Variants in CPXM1 observed in about 807,000 individuals in gnomAD.
CPXM1 encodes the protein carboxypeptidase X, M14 family member 1, also known as probable carboxypeptidase X1.
CPXM1 carries 72 observed loss-of-function variants against 80.4 expected under a neutral mutation model. The ratio of observed to expected loss-of-function variants is 0.90; its 90% CI spans 0.74 to 1.09. The LOEUF (loss-of-function observed/expected upper bound fraction) is 1.09, where lower values mean the gene tolerates loss of function less well. CPXM1 is among the 50% of genes least tolerant of loss of function. The pLI is 0.00. For missense variants in CPXM1, 892 were observed against 999.4 expected (o/e 0.89, Z 1.45); for synonymous variants, 403 against 405.6 (o/e 0.99, Z 0.08).
rs2088484307 is a variant in CPXM1 at position 2,794,491 on chromosome 20, C to T, written c.1963+46G>A. The stretch of plus-strand genomic sequence containing the variant: ...TAATGATCTTCTGCTTCTTCCCGAG[C>T]CTCCAGCCCTCCAGCCCCTTCCCTT... On this transcript the variant is annotated intron_variant, in intron 13 of 13. Coordinates refer to ENST00000380605, the MANE Select transcript of CPXM1 (RefSeq NM_019609.5). The surrounding 1 kb of genome is among the most constrained non-coding windows in gnomAD (Gnocchi z 5.2). 6.2e-7 allele frequency: 1 copy of T among 1,613,378 alleles called. No individual in the cohort carries two copies. The highest frequency in any genetic ancestry group is 8.5e-7 in the Non-Finnish European group (1 of 1,179,590).
At position 2,796,113 on chromosome 20, in the gene CPXM1, T is replaced by C; in HGVS notation, c.1291A>G (p.Ile431Val). The change falls in exon 10 of 14, where the codon ATC becomes GTC. Residue 431 changes from isoleucine (I) to valine (V), a missense_variant. Ile to Val is a conservative substitution (Grantham distance 29). Transcript: ENST00000380605. The surrounding 1 kb of genome is among the most constrained non-coding windows in gnomAD (Gnocchi z 6.8). The stretch of plus-strand genomic sequence containing the variant: ...TCAGCAAAATTATGGTTAAGATCGA[T>C]GCTCTGGTTGTTCCAGCGGCCCTCG... ...WAEGRWNNQS[I>V]DLNHNFADLN... 1.2e-6 allele frequency: 2 copies of C among 1,613,832 alleles called. No individual in the cohort carries two copies. The highest frequency in any genetic ancestry group is 1.1e-5 in the South Asian group (1 of 91,026).
At position 2,795,496 on chromosome 20, in the gene CPXM1, C is replaced by T. The variant is rs1035982905; in HGVS notation, c.1721-80G>A. The T allele has an allele frequency of 1.3e-6, 2 of 1,584,348 alleles. No homozygotes were observed. Among genetic ancestry groups the T allele is most frequent in the Non-Finnish European group, 8.6e-7 (1 of 1,159,810 alleles). Reference sequence around the variant, plus strand: ...CCGCTACCCTCCCTTCTCTGAGGGACACTTCAGAGTGGGAACAGACGCCAG... The same window carrying T: ...CCGCTACCCTCCCTTCTCTGAGGGATACTTCAGAGTGGGAACAGACGCCAG... On this transcript the variant is annotated intron_variant, in intron 11 of 13. Transcript: ENST00000380605. This position sits in a 1 kb window ranked among gnomAD's most constrained non-coding sequence, Gnocchi z 5.4.
At chr20:2,799,101 A>G (rs215542) in intron 1 of CPXM1, among the ~76,000 whole-genome samples, 130,062 of 151,970 alleles carry the variant, frequency 0.86, 55,983 homozygotes, top group East Asian at 1. Context: ...TCCCTGATGT[A>G]ACTACATGCT....
chr20:2,798,787 G>C lies in CPXM1; in HGVS notation c.279C>G (p.Ala93=). Residue 93 remains alanine, a synonymous_variant, in exon 2 of 14, where the codon GCC becomes GCG. Transcript: ENST00000380605. The part of the protein sequence containing the change: ...TLTRPTPLVT[A]GPLVTPTPAG... ...CTGGAGTGGGGGTCACAAGGGGCCCGGCAGTCACCAGTGGGGTGGGGCGAG... is the reference window on the plus strand; with the variant it reads ...CTGGAGTGGGGGTCACAAGGGGCCCCGCAGTCACCAGTGGGGTGGGGCGAG... The C allele has an allele frequency of 6.2e-7, 1 of 1,614,006 alleles. No homozygotes were observed. Among genetic ancestry groups the C allele is most frequent in the Non-Finnish European group, 8.5e-7 (1 of 1,179,988 alleles).
intron 3 of CPXM1, 44 bp from the exon 4 acceptor site, chr20:2,798,335 G>A: frequency 2.5e-6 from 4 of 1,610,074 alleles, no homozygotes; most frequent in East Asian, 2.2e-5. Context: ...TGGACAGAGT[G>A]GGGCAGGCCA....
rs746438167 is a variant in CPXM1 at position 2,795,564 on chromosome 20, CG to C, written c.1720+34del. 1.2e-6 allele frequency: 2 copies of C among 1,601,686 alleles called. No homozygotes were observed. The highest frequency in any genetic ancestry group is 1.7e-6 in the Non-Finnish European group (2 of 1,171,468). The stretch of plus-strand genomic sequence containing the variant: ...GGCTGTCTTATCAGGGCGGGGGTTA[CG>C]GGGCCAGGGCTAACTCCACCCTCAG... On this transcript the variant is annotated intron_variant, in intron 11 of 13. Transcript: ENST00000380605. This position sits in a 1 kb window ranked among gnomAD's most constrained non-coding sequence, Gnocchi z 5.4.
rs1415934918 is a variant in CPXM1, at chr20:2,798,497, A to C, written c.381T>G (p.Asp127Glu). 9.3e-6 allele frequency: 15 copies of C among 1,614,070 alleles called. No individual in the cohort carries two copies. In the African/African-American group the frequency reaches 1.3e-4, roughly 14 times the overall value. The change falls in exon 3 of 14, where the codon GAT becomes GAG. Residue 127 changes from aspartate (D) to glutamate (E), a missense_variant. Asp to Glu is a conservative substitution (Grantham distance 45). This residue lies in a region of CPXM1 where 874 missense variants were observed against 958.4 expected (regional missense o/e 0.91). Transcript: ENST00000380605. Reference sequence around the variant, plus strand: ...GGCTGCTGGATGCCTCAAGCCGGCTATCTGAAACTCGCAGGGACTCCAGAC... The same window carrying C: ...GGCTGCTGGATGCCTCAAGCCGGCTCTCTGAAACTCGCAGGGACTCCAGAC... ...PLGLESLRVSDSRLEASSSQS... is the reference protein window; with the variant it reads ...PLGLESLRVSESRLEASSSQS...
Position 2,800,437 on chromosome 20 carries a change from T to C in CPXM1, c.136A>G (p.Ser46Gly), listed in dbSNP as rs766674988. Reference sequence around the variant, plus strand: ...TCCGCCGGCGGCTGTGCCGGGCTGCTATGCAGGGCCGGGGTCGAGCCTGGG... The same window carrying C: ...TCCGCCGGCGGCTGTGCCGGGCTGCCATGCAGGGCCGGGGTCGAGCCTGGG... ...KVPGSTPALHSSPAQPPAETA... is the reference protein window; with the variant it reads ...KVPGSTPALHGSPAQPPAETA... The change falls in exon 1 of 14, where the codon AGC (serine) becomes GGC (glycine). Residue 46 changes from serine to glycine, a missense_variant. Ser to Gly is a moderately conservative substitution (Grantham distance 56, BLOSUM62 0). Coordinates refer to ENST00000380605, the MANE Select transcript of CPXM1 (RefSeq NM_019609.5). 5.3e-6 allele frequency: 8 copies of C among 1,519,948 alleles called. No individual in the cohort carries two copies. The highest frequency in any genetic ancestry group is 7.0e-6 in the Non-Finnish European group (8 of 1,141,692). 94.2% of individuals were successfully genotyped at this position (1,519,948 alleles called of 1,614,324 possible).
rs1343240962 is a variant in CPXM1, at chr20:2,798,146, C to T, written c.590+6G>A. 1.2e-6 allele frequency: 2 copies of T among 1,613,794 alleles called. No individual in the cohort carries two copies. The highest frequency in any genetic ancestry group is 1.1e-5 in the South Asian group (1 of 91,034). On this transcript the variant is annotated splice_donor_region_variant and intron_variant, in intron 4 of 13. Transcript: ENST00000380605. The stretch of plus-strand genomic sequence containing the variant: ...GACCTCCTGACCTAGGGTTAGTCTG[C>T]CTCACCTCCAGACAGAGTTCCTGCC...
Position 2,794,525 on chromosome 20 carries a change from G to A in CPXM1, c.1963+12C>T, listed in dbSNP as rs764592061. 5.6e-6 allele frequency: 9 copies of A among 1,613,644 alleles called. No individual in the cohort carries two copies. Among genetic ancestry groups the A allele is most frequent in the Admixed American group, 5.0e-5 (3 of 59,980 alleles). The stretch of plus-strand genomic sequence containing the variant: ...CTCCAGCCCCTTCCCTTGCCCTCCC[G>A]GTCAAACACACCCGTGGTCACGTCA... On this transcript the variant is annotated intron_variant, in intron 13 of 13. Transcript: ENST00000380605. The surrounding 1 kb of genome is among the most constrained non-coding windows in gnomAD (Gnocchi z 5.2).
Position 2,797,225 on chromosome 20 carries a change from G to A in CPXM1, c.799C>T (p.Leu267Phe). 6.3e-7 allele frequency: 1 copy of A among 1,576,320 alleles called. No individual in the cohort carries two copies. Among genetic ancestry groups the A allele is most frequent in the Non-Finnish European group, 8.6e-7 (1 of 1,157,692 alleles). Residue 267 changes from leucine to phenylalanine, a missense_variant, in exon 6 of 14, where the codon CTC becomes TTC. Leu to Phe is a conservative substitution (Grantham distance 22). This residue lies in a region of CPXM1 where 874 missense variants were observed against 958.4 expected (regional missense o/e 0.91). Coordinates refer to ENST00000380605, the MANE Select transcript of CPXM1 (RefSeq NM_019609.5). ...GGGCAGGCCAGGATCTCTGCCCGGAGGCAAGGCGCGCCTCCCTGGAGCCAG... is the reference window on the plus strand; with the variant it reads ...GGGCAGGCCAGGATCTCTGCCCGGAAGCAAGGCGCGCCTCCCTGGAGCCAG... ...QTWLQGGAPC[L>F]RAEILACPVS... is the part of the protein sequence containing the mutation.
Position 2,795,674 on chromosome 20 carries a change from G to A in CPXM1, c.1645C>T (p.Arg549Ter), listed in dbSNP as rs751762428. ...SNLAMQDTSR[R>*]PCHSQDFSVH... ...GAGAAGTCCTGGCTGTGGCAGGGTC[G>A]GCGGCTGGTGTCCTGCATGGCCAGA... is the stretch of plus-strand genomic sequence containing the variant. The change falls in exon 11 of 14, where the codon CGA (arginine) becomes TGA (stop). Residue 549 changes from arginine to a stop codon, truncating the protein, a stop_gained. Coordinates refer to ENST00000380605, the MANE Select transcript of CPXM1 (RefSeq NM_019609.5). LOFTEE classifies it high-confidence loss of function. The surrounding 1 kb of genome is among the most constrained non-coding windows in gnomAD (Gnocchi z 5.4). 8.7e-6 allele frequency: 14 copies of A among 1,613,882 alleles called. No individual in the cohort carries two copies. The highest frequency in any genetic ancestry group is 6.7e-5 in the East Asian group (3 of 44,898).
chr20:2,794,646 G>T lies in CPXM1; in HGVS notation c.1861-7C>A. 1.2e-6 allele frequency: 2 copies of T among 1,606,536 alleles called. No individual in the cohort carries two copies. Among genetic ancestry groups the T allele is most frequent in the Non-Finnish European group, 1.7e-6 (2 of 1,176,760 alleles). Reference sequence around the variant, plus strand: ...CTGCAATGCCCATGCGCACCTGTGTGGGAAGAGGTTATCAGAGCCCTTCCC... The same window carrying T: ...CTGCAATGCCCATGCGCACCTGTGTTGGAAGAGGTTATCAGAGCCCTTCCC... On this transcript the variant is annotated splice_polypyrimidine_tract_variant and splice_region_variant and intron_variant, in intron 12 of 13. Coordinates refer to ENST00000380605, the MANE Select transcript of CPXM1 (RefSeq NM_019609.5). This position sits in a 1 kb window ranked among gnomAD's most constrained non-coding sequence, Gnocchi z 5.2.
chr20:2,794,116 G>T lies in CPXM1; in HGVS notation c.*74C>A. ...TTAATGAGCACCTTTTCCTCACTTT[G>T]TCCCTCCCTCTCTACTCTTCCCCTT... On this transcript the variant is annotated 3_prime_UTR_variant, in exon 14 of 14. Coordinates refer to ENST00000380605, the MANE Select transcript of CPXM1 (RefSeq NM_019609.5). The surrounding 1 kb of genome is among the most constrained non-coding windows in gnomAD (Gnocchi z 5.2). 9 of 1,517,202 alleles carry T rather than the reference G, an allele frequency of 5.9e-6. No homozygotes were observed. Among genetic ancestry groups the T allele is most frequent in the Non-Finnish European group, 7.1e-6 (8 of 1,132,562 alleles). 94.0% of individuals were successfully genotyped at this position (1,517,202 alleles called of 1,614,324 possible). A position where few individuals can be genotyped will look rare whatever the true frequency, so the allele number is the denominator to read the frequency against.
In CPXM1 at chr20:2,794,189, A is replaced by G; in HGVS notation, c.*1T>C. The G allele has an allele frequency of 1.9e-6, 3 of 1,608,632 alleles. No individual in the cohort carries two copies. The highest frequency in any genetic ancestry group is 1.3e-5 in the African/African-American group (1 of 74,874). On this transcript the variant is annotated 3_prime_UTR_variant, in exon 14 of 14. Transcript: ENST00000380605. The surrounding 1 kb of genome is among the most constrained non-coding windows in gnomAD (Gnocchi z 5.2). ...GCCCTAGGGCTCTTAAACCGCAGGT[A>G]TCAATCCTTCTGTCCCCTTAGCCGC...
At chr20:2,799,918 G>C (rs1352124997) in intron 1 of CPXM1, among the ~76,000 whole-genome samples, 1 of 152,172 alleles carries the variant, frequency 6.6e-6, no homozygotes, top group East Asian at 1.9e-4. Context: ...CCTCCTGCCA[G>C]TTCTGGCCTG....
intron 1 of CPXM1, among the ~76,000 whole-genome samples, chr20:2,800,100 C>CTGTGAG (rs1195673069): frequency 6.7e-6 from 1 of 150,182 alleles, no homozygotes; most frequent in African/African-American, 2.4e-5. Flanking sequence ...TGTGTGTGCA[C>CTGTGAG]TGTGAGTGTG....
Position 2,798,838 on chromosome 20 carries a change from C to G in CPXM1, c.228G>C (p.Met76Ile). 6.2e-7 allele frequency: 1 copy of G among 1,614,106 alleles called. No individual in the cohort carries two copies. Among genetic ancestry groups the G allele is most frequent in the Non-Finnish European group, 8.5e-7 (1 of 1,179,990 alleles). ...TTAGAGTTAGCTTCTTCCGCTTCTT[C>G]ATAATGACCTTTTTCTTCTTGATGA... is the stretch of plus-strand genomic sequence containing the variant. ...IRVIKKKKVI[M>I]KKRKKLTLTR... Residue 76 changes from methionine to isoleucine, a missense_variant, in exon 2 of 14, where the codon ATG (methionine) becomes ATC (isoleucine). Transcript: ENST00000380605.
chr20:2,798,656 G>A (rs1291810717), intron 2 of CPXM1, 70 bp downstream of exon 2: 52 of 1,567,362 alleles, frequency 3.3e-5, no homozygotes, highest in Non-Finnish European at 4.5e-5. Context: ...GTGCCCATGA[G>A]GCCAAGAGCT....
Sources: allele counts gnomAD v4.1 joint callset (sites outside exome capture counted in the v4.1 genomes callset), GRCh38; gene constraint gnomAD v4.1.1; regional missense constraint gnomAD v4.1.1; non-coding constraint Gnocchi (gnomAD v3.1); transcripts MANE v1.5; gene names NCBI Gene and HGNC (gene_info 2026-07-23, HGNC 2026-07-21).